GAB1: variants seen among roughly 807,000 people sequenced by gnomAD.
The protein encoded by GAB1 is GRB2 associated binding protein 1, also known as GRB2-associated-binding protein 1.
Under a neutral mutation model 66.5 loss-of-function variants are expected in GAB1, and 19 were observed. The ratio of observed to expected loss-of-function variants is 0.29; its 90% CI spans 0.20 to 0.42. GAB1 has a LOEUF of 0.42. GAB1 is among the 10% of genes least tolerant of loss of function. The pLI is 1.00. For synonymous variants in GAB1, 294 were observed against 301.4 expected, an observed-to-expected ratio of 0.98 and a Z score of 0.25; for missense variants, 732 against 858.5, an observed-to-expected ratio of 0.85 and a Z score of 1.84.
chr4:143,348,657 A>T (rs1729065964), intron 1 of GAB1, among the ~76,000 whole-genome samples: 1 of 152,184 alleles, frequency 6.6e-6, no homozygotes, highest in South Asian at 2.1e-4. Flanking sequence ...CTGAAATACC[A>T]ATCTGATAAT....
intron 1 of GAB1, among the ~76,000 whole-genome samples, chr4:143,338,685 T>TC (rs1728733224): frequency 2.1e-5 from 3 of 145,138 alleles, no homozygotes; most frequent in Middle Eastern, 3.5e-3. Context: ...TGTTTTTTTT[T>TC]CCAGCTGTTC....
chr4:143,443,252 G>A (rs770130725), intron 6 of GAB1, among the ~76,000 whole-genome samples: 8 of 151,974 alleles, frequency 5.3e-5, no homozygotes, highest in African/African-American at 1.2e-4. Context: ...TCCTGACCTC[G>A]GGATCTACCT....
intron 8 of GAB1, among the ~76,000 whole-genome samples, chr4:143,464,316 G>A (rs528453476): frequency 1.4e-4 from 21 of 152,158 alleles, no homozygotes; most frequent in Non-Finnish European, 1.9e-4. Flanking sequence ...TGCAACCTCC[G>A]CCTCCGGGTT....
intron 1 of GAB1, among the ~76,000 whole-genome samples, chr4:143,346,949 C>T (rs28989197): frequency 0.025 from 3,747 of 152,190 alleles, 58 homozygotes; most frequent in Middle Eastern, 0.058. Flanking sequence ...TCTTTCTATT[C>T]CTTTAAGCAG....
chr4:143,429,500 A>G (rs1395966682), intron 2 of GAB1, among the ~76,000 whole-genome samples: 6 of 152,156 alleles, frequency 3.9e-5, no homozygotes, highest in Non-Finnish European at 8.8e-5. Context: ...ATGAGTTTGT[A>G]CCCTCAAATA....
At position 143,430,971 on chromosome 4, in the gene GAB1, A is replaced by G. The variant is rs28804215; in HGVS notation, c.368-2520A>G. On this transcript the variant is annotated intron_variant, in intron 2 of 9. Coordinates refer to ENST00000262994, the MANE Select transcript of GAB1 (RefSeq NM_002039.4). ...TACCAATAATCTTTAGGCTTTTTCT[A>G]TGTCTCAAAGATTAAAGTCACGTGA... Among the ~76,000 whole-genome samples the G allele has an allele frequency of 4.4e-3, 673 of 152,312 alleles. 7 individuals are homozygous for G. Among genetic ancestry groups the G allele is most frequent in the African/African-American group, 0.015 (629 of 41,574 alleles).
chr4:143,418,984 G>T (rs1425462338), intron 2 of GAB1, among the ~76,000 whole-genome samples: 1 of 152,098 alleles, frequency 6.6e-6, no homozygotes, highest in African/African-American at 2.4e-5. Context: ...TTAGAAAATT[G>T]ATTGATTAGT....
chr4:143,344,444 T>G (rs1474879947), intron 1 of GAB1, among the ~76,000 whole-genome samples: 1 of 152,266 alleles, frequency 6.6e-6, no homozygotes, highest in Non-Finnish European at 1.5e-5. Context: ...CTGTGACTCC[T>G]TTTATCTCAG....
At chr4:143,441,611 G>T (rs573113547) in intron 6 of GAB1, among the ~76,000 whole-genome samples, 28 of 151,198 alleles carry the variant, frequency 1.9e-4, no homozygotes, top group African/African-American at 5.1e-4. Context: ...AATTCTAGGG[G>T]ACTGTTGCTG....
At chr4:143,381,374 G>A (rs1336273404) in intron 1 of GAB1, among the ~76,000 whole-genome samples, 1 of 152,164 alleles carries the variant, frequency 6.6e-6, no homozygotes, top group East Asian at 1.9e-4. Flanking sequence ...TGCTATGTCT[G>A]CAGCCTCTTT....
Position 143,473,975 on chromosome 4 carries a change from C to T in GAB1, c.*4786C>T, listed in dbSNP as rs1303439727. ...GCATGTAACTTCTTTGAGGAAGTTACCACCATCTCTGATATAGACACACTT... is the reference window on the plus strand; with the variant it reads ...GCATGTAACTTCTTTGAGGAAGTTATCACCATCTCTGATATAGACACACTT... On this transcript the variant is annotated 3_prime_UTR_variant, in exon 10 of 10. Transcript: ENST00000262994. 5 of 152,108 alleles carry T rather than the reference C, an allele frequency of 3.3e-5. No individual in the cohort carries two copies. Among genetic ancestry groups the T allele is most frequent in the African/African-American group, 4.8e-5 (2 of 41,406 alleles). The allele number at this position is 152,108 out of a possible 1,614,324, so 9.4% of individuals were successfully genotyped here. A position where few individuals can be genotyped will look rare whatever the true frequency, so the allele number is the denominator to read the frequency against.
At chr4:143,390,553 G>A (rs1731139222) in intron 1 of GAB1, among the ~76,000 whole-genome samples, 1 of 151,750 alleles carries the variant, frequency 6.6e-6, no homozygotes. Flanking sequence ...TTTTCACCTG[G>A]AAACTGGGAA....
At chr4:143,347,004 T>C (rs1729010780) in intron 1 of GAB1, among the ~76,000 whole-genome samples, 4 of 152,204 alleles carry the variant, frequency 2.6e-5, no homozygotes, top group Admixed American at 2.6e-4. Flanking sequence ...CTGTTTCAAA[T>C]GGGAAAAGCA....
intron 1 of GAB1, chr4:143,377,019 A>C (rs966618288): frequency 6.6e-6 from 1 of 152,174 alleles, no homozygotes; most frequent in Admixed American, 6.5e-5. Context: ...ACCAGGCCTC[A>C]TAATACCTGC....
chr4:143,469,147 A>G lies in GAB1; in HGVS notation c.2043A>G (p.Arg681=). 6.2e-7 allele frequency: 1 copy of G among 1,614,136 alleles called. No homozygotes were observed. The highest frequency in any genetic ancestry group is 8.5e-7 in the Non-Finnish European group (1 of 1,179,972). Residue 681 remains arginine, a synonymous_variant, in exon 10 of 10, where the codon AGA becomes AGG. Transcript: ENST00000262994. ...CCCGGGAAGCCTGGACAGATGGGAG[A>G]CAGTCCACAGAATCAGAAACGCCAG... ...KSTREAWTDG[R]QSTESETPAK... is the part of the protein sequence containing the mutation.
At chr4:143,443,630 C>T (rs6820204) in intron 6 of GAB1, among the ~76,000 whole-genome samples, 12,158 of 152,120 alleles carry the variant, frequency 0.08, 959 homozygotes, top group African/African-American at 0.21. Flanking sequence ...ATCTATTATT[C>T]AGTATCTCTT....
intron 1 of GAB1, among the ~76,000 whole-genome samples, chr4:143,412,561 TAC>T (rs578067935): frequency 2.1e-4 from 32 of 152,184 alleles, no homozygotes; most frequent in Non-Finnish European, 3.7e-4. Flanking sequence ...AGTTACGTAC[TAC>T]ACAAATAAAT....
At chr4:143,409,959 A>G (rs1261361826) in intron 1 of GAB1, among the ~76,000 whole-genome samples, 2 of 152,090 alleles carry the variant, frequency 1.3e-5, no homozygotes, top group African/African-American at 2.4e-5. Flanking sequence ...GCACATTAGA[A>G]TCATCTGTTG....
chr4:143,462,387 G>C (rs1196102320), intron 8 of GAB1, among the ~76,000 whole-genome samples: 1 of 152,036 alleles, frequency 6.6e-6, no homozygotes, highest in African/African-American at 2.4e-5. Context: ...AGTAATTAGA[G>C]TATTTTCTGA....
Sources: gnomAD v4.1 joint callset for allele counts (sites outside exome capture counted in the v4.1 genomes callset) on GRCh38, gnomAD v4.1.1 for gene constraint, MANE v1.5 for transcripts, NCBI Gene and HGNC (gene_info 2026-07-23, HGNC 2026-07-21) for gene names.